TRIM23: variants seen among roughly 807,000 people sequenced by gnomAD.
The protein encoded by TRIM23 is E3 ubiquitin-protein ligase TRIM23.
In TRIM23, 27 loss-of-function variants were observed where a neutral mutation model predicts 71.0. The observed-to-expected ratio is 0.38, with a 90% CI of 0.28 to 0.52. TRIM23 has a LOEUF of 0.52. TRIM23 is among the 20% of genes least tolerant of loss of function. TRIM23 has a pLI of 0.84. For synonymous variants in TRIM23, 234 were observed against 238.0 expected, an observed-to-expected ratio of 0.98 and a Z score of 0.16; for missense variants, 482 against 692.3, an observed-to-expected ratio of 0.70 and a Z score of 3.41.
chr5:65,602,421 C>G (rs915464567), intron 7 of TRIM23, among the ~76,000 whole-genome samples: 4 of 152,188 alleles, frequency 2.6e-5, no homozygotes, highest in African/African-American at 9.7e-5. Flanking sequence ...ATATCATTAT[C>G]AGTATTTTTG....
chr5:65,590,101 C>A lies in TRIM23; in HGVS notation c.*1668G>T. Reference sequence around the variant, plus strand: ...TAAGAATGTGCATTACAAAGTTTAGCAAAATTAGTGAAAAGGGAAGCAAGT... The same window carrying A: ...TAAGAATGTGCATTACAAAGTTTAGAAAAATTAGTGAAAAGGGAAGCAAGT... On this transcript the variant is annotated 3_prime_UTR_variant, in exon 11 of 11. Transcript: ENST00000231524. 2.3e-6 allele frequency: 1 copy of A among 433,250 alleles called. No individual in the cohort carries two copies. The highest frequency in any genetic ancestry group is 5.7e-5 in the South Asian group (1 of 17,488). 26.8% of individuals were successfully genotyped at this position (433,250 alleles called of 1,614,324 possible). A position where few individuals can be genotyped will look rare whatever the true frequency, so the allele number is the denominator to read the frequency against.
chr5:65,617,768 G>T (rs998725909), intron 2 of TRIM23, among the ~76,000 whole-genome samples: 1 of 151,952 alleles, frequency 6.6e-6, no homozygotes, highest in Non-Finnish European at 1.5e-5. Context: ...TGTTCTATTG[G>T]GTTTATGGCT....
intron 4 of TRIM23, 95 bp downstream of exon 4, chr5:65,611,508 C>T (rs1391524388): frequency 1.4e-6 from 2 of 1,392,306 alleles, no homozygotes; most frequent in Non-Finnish European, 1.9e-6. Context: ...TTCTTCAATC[C>T]CTACTTTCAG....
intron 3 of TRIM23, among the ~76,000 whole-genome samples, chr5:65,613,380 G>C (rs563690852): frequency 6.6e-6 from 1 of 152,086 alleles, no homozygotes; most frequent in East Asian, 1.9e-4. Context: ...AAAGCAATCC[G>C]ACATTTTTTT....
intron 1 of TRIM23, among the ~76,000 whole-genome samples, chr5:65,621,757 G>A (rs1449084464): frequency 6.6e-6 from 1 of 151,914 alleles, no homozygotes; most frequent in Non-Finnish European, 1.5e-5. Flanking sequence ...TGCCAAAAAA[G>A]CTTCAAACTT....
At chr5:65,620,092 TAAAG>T (rs1400211457) in intron 1 of TRIM23, among the ~76,000 whole-genome samples, 2 of 151,780 alleles carry the variant, frequency 1.3e-5, no homozygotes, top group Non-Finnish European at 2.9e-5. Context: ...CTCAAAAAAA[TAAAG>T]AAAGAAAAAT....
chr5:65,611,793 T>TGAGAACACTCA lies in TRIM23; in HGVS notation c.444_454dup (p.Gln152LeufsTer13). On this transcript the variant is annotated frameshift_variant, in exon 4 of 11. Transcript: ENST00000231524. LOFTEE classifies it high-confidence loss of function. ...TAATGTCTTTGTAGAATGAGTAACTTGAGAACACTCAGAGCACAAATGAGT... is the reference window on the plus strand; with the variant it reads ...TAATGTCTTTGTAGAATGAGTAACTTGAGAACACTCAGAGAACACTCAGAGCACAAATGAGT... 1 of 1,614,168 alleles carries TGAGAACACTCA rather than the reference T, an allele frequency of 6.2e-7. No homozygotes were observed. Among genetic ancestry groups the TGAGAACACTCA allele is most frequent in the Non-Finnish European group, 8.5e-7 (1 of 1,180,026 alleles).
chr5:65,620,129 T>C (rs1400207835), intron 1 of TRIM23, among the ~76,000 whole-genome samples: 1 of 152,098 alleles, frequency 6.6e-6, no homozygotes, highest in Non-Finnish European at 1.5e-5. Context: ...TACATCAAAA[T>C]ACTTTTTTCA....
At chr5:65,620,195 A>C (rs980291748) in intron 1 of TRIM23, among the ~76,000 whole-genome samples, 12 of 152,150 alleles carry the variant, frequency 7.9e-5, no homozygotes, top group African/African-American at 2.9e-4. Context: ...GAAAGCAGAC[A>C]CTCTCATACA....
At chr5:65,602,970 A>G (rs958282594) in intron 7 of TRIM23, among the ~76,000 whole-genome samples, 1 of 152,220 alleles carries the variant, frequency 6.6e-6, no homozygotes, top group African/African-American at 2.4e-5. Flanking sequence ...GCAATGGAAT[A>G]TTATTCAGCT....
chr5:65,614,316 T>C, intron 2 of TRIM23, 97 bp from the exon 3 acceptor site: 2 of 1,151,808 alleles, frequency 1.7e-6, no homozygotes, highest in Non-Finnish European at 2.5e-6. Context: ...AGTTCAGTAG[T>C]TAATGTCTAA....
chr5:65,608,750 T>A (rs1053543040), intron 6 of TRIM23, among the ~76,000 whole-genome samples: 2 of 152,150 alleles, frequency 1.3e-5, no homozygotes, highest in Middle Eastern at 3.2e-3. Context: ...ATCTCAACCA[T>A]CACAAAACAT....
At chr5:65,618,707 C>T (rs765929032) in intron 1 of TRIM23, among the ~76,000 whole-genome samples, 3 of 152,130 alleles carry the variant, frequency 2.0e-5, no homozygotes, top group Non-Finnish European at 4.4e-5. Context: ...ATTACCCCTG[C>T]AAATGATAAA....
At chr5:65,616,440 G>A (rs531201844) in intron 2 of TRIM23, among the ~76,000 whole-genome samples, 8 of 151,842 alleles carry the variant, frequency 5.3e-5, no homozygotes, top group Admixed American at 3.9e-4. Flanking sequence ...TCAGGAGTTC[G>A]AGACCAGCCA....
At chr5:65,607,870 G>T (rs1754548503) in intron 6 of TRIM23, among the ~76,000 whole-genome samples, 1 of 152,074 alleles carries the variant, frequency 6.6e-6, no homozygotes, top group Admixed American at 6.6e-5. Flanking sequence ...TAGATGCAAA[G>T]AATTTAGTGA....
intron 7 of TRIM23, among the ~76,000 whole-genome samples, chr5:65,598,512 C>T (rs1305670470): frequency 2.0e-5 from 3 of 152,104 alleles, no homozygotes; most frequent in African/African-American, 7.2e-5. Flanking sequence ...TTCGGGAGGC[C>T]GAGGTTGGGG....
intron 8 of TRIM23, 120 bp downstream of exon 8, chr5:65,596,930 TG>T (rs1307533574): frequency 4.0e-6 from 5 of 1,245,104 alleles, no homozygotes. Context: ...TCTGAGATGC[TG>T]ATATCTTAGA....
At chr5:65,600,072 G>A (rs1276036085) in intron 7 of TRIM23, among the ~76,000 whole-genome samples, 2 of 152,082 alleles carry the variant, frequency 1.3e-5, no homozygotes, top group Admixed American at 6.6e-5. Flanking sequence ...AGAGAGGGTG[G>A]GGGAGGTGCC....
Position 65,590,003 on chromosome 5 carries a change from TCACA to T in TRIM23, c.*1762_*1765del, listed in dbSNP as rs932074759. The T allele has an allele frequency of 1.1e-5, 3 of 263,502 alleles. No homozygotes were observed. The highest frequency in any genetic ancestry group is 6.6e-5 in the African/African-American group (3 of 45,218). The allele number at this position is 263,502 out of a possible 1,614,324, so 16.3% of individuals were successfully genotyped here. On this transcript the variant is annotated 3_prime_UTR_variant, in exon 11 of 11. Transcript: ENST00000231524. ...AGAAAAATATTTCTTTAAAAATGAA[TCACA>T]CACAAACACCTACCATTATACATAC...
Sources: allele counts gnomAD v4.1 joint callset (sites outside exome capture counted in the v4.1 genomes callset), GRCh38; gene constraint gnomAD v4.1.1; transcripts MANE v1.5; gene names NCBI Gene and HGNC (gene_info 2026-07-23, HGNC 2026-07-21).